Variants in GNAQ observed in about 807,000 individuals in gnomAD.
GNAQ encodes G protein subunit alpha q.
GNAQ carries 8 observed loss-of-function variants against 43.9 expected under a neutral mutation model. The observed-to-expected ratio is 0.18, with a 90% CI of 0.11 to 0.33. The LOEUF is 0.33. Among genes scored for constraint, GNAQ ranks in the 10% least tolerant of loss-of-function variants. The pLI is 1.00. For missense variants in GNAQ, 158 were observed against 450.8 expected (o/e 0.35, Z 5.88); for synonymous variants, 155 against 170.7 (o/e 0.91, Z 0.71).
chr9:77,772,372 A>G (rs1345145445), intron 5 of GNAQ, among the ~76,000 whole-genome samples: 1 of 152,166 alleles, frequency 6.6e-6, no homozygotes, highest in Admixed American at 6.5e-5. Flanking sequence ...GTTGGAAAAG[A>G]TTGGTACCTG....
chr9:77,869,199 A>G (rs915461996), intron 2 of GNAQ, among the ~76,000 whole-genome samples: 1 of 152,212 alleles, frequency 6.6e-6, no homozygotes, highest in African/African-American at 2.4e-5. Context: ...GGAAAAAACA[A>G]AAAATTGACA....
intron 1 of GNAQ, among the ~76,000 whole-genome samples, chr9:78,012,930 CA>C (rs57008860): frequency 1.2e-3 from 176 of 152,178 alleles, no homozygotes; most frequent in Admixed American, 3.1e-3. Context: ...GAATCACTTT[CA>C]AAACATTAAA....
At chr9:78,028,424 C>G (rs932005733) in intron 1 of GNAQ, among the ~76,000 whole-genome samples, 1 of 152,084 alleles carries the variant, frequency 6.6e-6, no homozygotes, top group African/African-American at 2.4e-5. Context: ...GTCAGGTACC[C>G]ACTAATTGTC....
chr9:77,844,125 GA>G (rs1827540989), intron 2 of GNAQ, among the ~76,000 whole-genome samples: 1 of 152,158 alleles, frequency 6.6e-6, no homozygotes, highest in African/African-American at 2.4e-5. Flanking sequence ...ATTTGAAACA[GA>G]ACACTAATCT....
chr9:77,987,181 T>C (rs1823451066), intron 1 of GNAQ, among the ~76,000 whole-genome samples: 2 of 152,142 alleles, frequency 1.3e-5, no homozygotes, highest in South Asian at 4.1e-4. Context: ...GAAGTTCTGC[T>C]TTATGGCATG....
intron 5 of GNAQ, among the ~76,000 whole-genome samples, chr9:77,773,799 A>C (rs1372187482): frequency 6.6e-6 from 1 of 152,222 alleles, no homozygotes; most frequent in African/African-American, 2.4e-5. Context: ...AGACCTGAAG[A>C]ATGGCACATA....
At chr9:77,723,663 T>C (rs1216208022) in intron 6 of GNAQ, among the ~76,000 whole-genome samples, 8 of 152,198 alleles carry the variant, frequency 5.3e-5, no homozygotes, top group African/African-American at 1.9e-4. Flanking sequence ...GTGAGAACAT[T>C]ATAATAAATA....
chr9:78,018,598 A>G (rs947691313), intron 1 of GNAQ, among the ~76,000 whole-genome samples: 3 of 152,194 alleles, frequency 2.0e-5, no homozygotes, highest in African/African-American at 7.2e-5. Context: ...CAGAACATTA[A>G]GTGGAAGAAA....
At chr9:77,762,174 G>T (rs1286567354) in intron 5 of GNAQ, among the ~76,000 whole-genome samples, 1 of 133,050 alleles carries the variant, frequency 7.5e-6, no homozygotes, top group Non-Finnish European at 1.7e-5. Context: ...GGTGAGGGGC[G>T]CCTCTGCCCG....
At chr9:77,839,668 A>G (rs1452620200) in intron 2 of GNAQ, among the ~76,000 whole-genome samples, 2 of 152,242 alleles carry the variant, frequency 1.3e-5, no homozygotes, top group East Asian at 3.8e-4. Context: ...GGCTCCAAGA[A>G]CTGGAGATAA....
At chr9:77,910,558 A>G (rs1007404690) in intron 2 of GNAQ, among the ~76,000 whole-genome samples, 1 of 152,100 alleles carries the variant, frequency 6.6e-6, no homozygotes, top group African/African-American at 2.4e-5. Flanking sequence ...AGCAGCTGAG[A>G]GCAGTTTAGA....
At chr9:77,932,513 T>C (rs965890712) in intron 1 of GNAQ, among the ~76,000 whole-genome samples, 12 of 152,128 alleles carry the variant, frequency 7.9e-5, no homozygotes, top group Non-Finnish European at 1.0e-4. Context: ...AAAACTAATA[T>C]TCAAGAACCC....
chr9:77,778,645 A>T (rs1826342425), intron 5 of GNAQ, among the ~76,000 whole-genome samples: 1 of 151,936 alleles, frequency 6.6e-6, no homozygotes, highest in South Asian at 2.1e-4. Context: ...AGATGGCCAG[A>T]ATGGATAAAA....
intron 5 of GNAQ, among the ~76,000 whole-genome samples, chr9:77,788,193 C>T (rs1317604114): frequency 6.6e-6 from 1 of 152,098 alleles, no homozygotes; most frequent in Non-Finnish European, 1.5e-5. Flanking sequence ...AAAGAAAACT[C>T]CTTAGGGGTT....
intron 2 of GNAQ, among the ~76,000 whole-genome samples, chr9:77,826,307 G>A (rs937111272): frequency 2.0e-4 from 31 of 152,056 alleles, no homozygotes; most frequent in African/African-American, 7.0e-4. Flanking sequence ...TCCCCATAAC[G>A]CTGGTGTCCT....
chr9:77,881,013 C>T (rs961467842), intron 2 of GNAQ, among the ~76,000 whole-genome samples: 1 of 152,148 alleles, frequency 6.6e-6, no homozygotes, highest in African/African-American at 2.4e-5. Flanking sequence ...CCAGGCTCAC[C>T]ATAGGAGTTA....
intron 1 of GNAQ, among the ~76,000 whole-genome samples, chr9:77,955,011 T>C (rs1823025479): frequency 6.6e-6 from 1 of 152,212 alleles, no homozygotes; most frequent in Non-Finnish European, 1.5e-5. Flanking sequence ...CACCGAATAG[T>C]AACTGGCCAG....
chr9:77,961,638 A>T (rs1343212924), intron 1 of GNAQ, among the ~76,000 whole-genome samples: 1 of 152,202 alleles, frequency 6.6e-6, no homozygotes, highest in Non-Finnish European at 1.5e-5. Context: ...GTAACTATGA[A>T]AGAGAGGCTG....
At chr9:77,793,734 A>C (rs914294821) in intron 5 of GNAQ, among the ~76,000 whole-genome samples, 2 of 152,052 alleles carry the variant, frequency 1.3e-5, no homozygotes, top group Admixed American at 1.3e-4. Context: ...ACTACAGCTC[A>C]GAAGTACAGA....
Sources: gnomAD v4.1 joint callset for allele counts (sites outside exome capture counted in the v4.1 genomes callset) on GRCh38, gnomAD v4.1.1 for gene constraint, MANE v1.5 for transcripts, NCBI Gene and HGNC (gene_info 2026-07-23, HGNC 2026-07-21) for gene names.